Variants in ACOT6 observed in about 807,000 individuals in gnomAD.
The protein encoded by ACOT6 is acyl-coenzyme A thioesterase 6.
ACOT6 carries 14 observed loss-of-function variants against 12.3 expected under a neutral mutation model. The observed-to-expected ratio is 1.14, with a 90% confidence interval of 0.75 to 1.78. The LOEUF (loss-of-function observed/expected upper bound fraction) is 1.78, where lower values mean the gene tolerates loss of function less well. ACOT6 is among the 40% of genes most tolerant of loss of function. The pLI, the probability that ACOT6 is intolerant of heterozygous loss-of-function variation, is 0.00. For missense variants in ACOT6, 523 were observed against 551.8 expected (o/e 0.95, Z 0.52); for synonymous variants, 218 against 231.3 (o/e 0.94, Z 0.52).
Position 73,612,806 on chromosome 14 carries a change from G to A in ACOT6, c.235G>A (p.Gly79Arg). The part of the protein sequence containing the change: ...GGSFAGLQPM[G>R]LLWALEPEKA... The stretch of plus-strand genomic sequence containing the variant: ...CAGCTTCGCGGGGCTCCAGCCCATG[G>A]GGCTGCTGTGGGCGTTGGAGCCCGA... Residue 79 changes from glycine (G) to arginine (R), a missense_variant, in exon 1 of 3, where the codon GGG (glycine) becomes AGG (arginine). Coordinates refer to ENST00000645972, the MANE Select transcript of ACOT6 (RefSeq NM_001365788.1). 2 of 1,415,772 alleles carry A rather than the reference G, an allele frequency of 1.4e-6. No individual in the cohort carries two copies. Among genetic ancestry groups the A allele is most frequent in the Non-Finnish European group, 1.9e-6 (2 of 1,076,092 alleles). 87.7% of individuals were successfully genotyped at this position (1,415,772 alleles called of 1,614,324 possible). A position where few individuals can be genotyped will look rare whatever the true frequency, so the allele number is the denominator to read the frequency against.
chr14:73,618,129 A>G (rs2215013), intron 2 of ACOT6, among the ~76,000 whole-genome samples: 88,249 of 151,890 alleles, frequency 0.58, 27,097 homozygotes, highest in East Asian at 0.9. Flanking sequence ...GGCAACAAGA[A>G]TGAAACCCCA....
At position 73,619,214 on chromosome 14, in the gene ACOT6, C is replaced by T. The variant is rs374698220; in HGVS notation, c.661-20C>T. The T allele has an allele frequency of 6.5e-6, 10 of 1,530,738 alleles. No individual in the cohort carries two copies. Among genetic ancestry groups the T allele is most frequent in the South Asian group, 1.3e-5 (1 of 76,412 alleles). The allele number at this position is 1,530,738 out of a possible 1,614,324, so 94.8% of individuals were successfully genotyped here. On this transcript the variant is annotated intron_variant, in intron 2 of 2. Coordinates refer to ENST00000645972, the MANE Select transcript of ACOT6 (RefSeq NM_001365788.1). The stretch of plus-strand genomic sequence containing the variant: ...ATTTATGAATTCTAAGCTTGTTTTC[C>T]TTCTCTTTTTCCTCAACAGGTGAAA...
chr14:73,612,884 G>T lies in ACOT6; in HGVS notation c.313G>T (p.Glu105Ter). The T allele has an allele frequency of 7.2e-7, 1 of 1,393,772 alleles. No homozygotes were observed. The allele number at this position is 1,393,772 out of a possible 1,614,324, so 86.3% of individuals were successfully genotyped here. A position where few individuals can be genotyped will look rare whatever the true frequency, so the allele number is the denominator to read the frequency against. ...CGACGTGCGGACGCCCTTCGCCGTG[G>T]AGCTGGAAGTGCTGGACGGCCACGA... The part of the protein sequence containing the change: ...KRDVRTPFAV[E>*]LEVLDGHDTE... Residue 105 changes from glutamate to a stop codon, truncating the protein, a stop_gained, in exon 1 of 3, where the codon GAG (glutamate) becomes TAG (stop). Coordinates refer to ENST00000645972, the MANE Select transcript of ACOT6 (RefSeq NM_001365788.1). LOFTEE classifies it high-confidence loss of function.
At position 73,619,830 on chromosome 14, in the gene ACOT6, C is replaced by T. The variant is rs1411827950; in HGVS notation, c.1257C>T (p.Ser419=). 6.3e-7 allele frequency: 1 copy of T among 1,595,176 alleles called. No individual in the cohort carries two copies. The change falls in exon 3 of 3, where the codon AGC becomes AGT. Residue 419 remains serine (S), a synonymous_variant. Transcript: ENST00000645972. ...HLNGKKSVKH[S]KI ...ATGGTAAAAAATCTGTCAAGCACAGCAAAATATAACATTGTAGCCACAGAC... is the reference window on the plus strand; with the variant it reads ...ATGGTAAAAAATCTGTCAAGCACAGTAAAATATAACATTGTAGCCACAGAC...
In ACOT6 at chr14:73,618,672, G is replaced by A. The variant is rs928990268; in HGVS notation, c.661-562G>A. On this transcript the variant is annotated intron_variant, in intron 2 of 2. Coordinates refer to ENST00000645972, the MANE Select transcript of ACOT6 (RefSeq NM_001365788.1). ...GTTTGTTCATTTGATTTATAATTTT[G>A]AAATATTTAGGTATAGGGTGTCTGG... Among the ~76,000 whole-genome samples, 13 of 152,272 alleles carry A rather than the reference G, an allele frequency of 8.5e-5. No homozygotes were observed. In the East Asian group the frequency reaches 2.5e-3, roughly 29 times the overall value.
chr14:73,618,634 A>G (rs963293664), intron 2 of ACOT6, among the ~76,000 whole-genome samples: 1 of 152,140 alleles, frequency 6.6e-6, no homozygotes, highest in Admixed American at 6.5e-5. Flanking sequence ...AAAATAATAT[A>G]CTGTATTTAA....
intron 1 of ACOT6, among the ~76,000 whole-genome samples, chr14:73,615,387 A>AT (rs1326720211): frequency 1.6e-4 from 13 of 83,814 alleles, no homozygotes; most frequent in Admixed American, 1.1e-3. Context: ...ACTCTGTCTG[A>AT]TAAAAAAAAA....
chr14:73,612,429 G>A (rs1270491532), upstream of ACOT6: 1 of 501,300 alleles, frequency 2.0e-6, no homozygotes, highest in East Asian at 3.5e-5. Flanking sequence ...CCCACGCAGC[G>A]GCCTGGAGCC....
chr14:73,615,394 AAAAAAAAAAAAAAC>A (rs1890517878), intron 1 of ACOT6, among the ~76,000 whole-genome samples: 1 of 116,646 alleles, frequency 8.6e-6, no homozygotes, highest in African/African-American at 3.0e-5. Context: ...CTGATAAAAA[AAAAAAAAAAAAAAC>A]AAAAAACAAA....
chr14:73,615,399 A>C (rs1321491576), intron 1 of ACOT6, among the ~76,000 whole-genome samples: 2 of 143,818 alleles, frequency 1.4e-5, no homozygotes, highest in African/African-American at 5.2e-5. Flanking sequence ...AAAAAAAAAA[A>C]AAAAAAAACA....
Position 73,612,630 on chromosome 14 carries a change from G to T in ACOT6, c.59G>T (p.Arg20Leu). ...AGRCCWDEPL[R>L]IAVRGLAPEQ... Reference sequence around the variant, plus strand: ...CGCTGCTGCTGGGACGAGCCGCTGCGCATCGCAGTGCGCGGCCTGGCCCCG... The same window carrying T: ...CGCTGCTGCTGGGACGAGCCGCTGCTCATCGCAGTGCGCGGCCTGGCCCCG... Residue 20 changes from arginine to leucine, a missense_variant, in exon 1 of 3, where the codon CGC becomes CTC. Arg to Leu is a moderately radical substitution (Grantham distance 102). This residue lies in a region of ACOT6 where 304 missense variants were observed against 274.8 expected (regional missense o/e 1.11). Coordinates refer to ENST00000645972, the MANE Select transcript of ACOT6 (RefSeq NM_001365788.1). The T allele has an allele frequency of 7.1e-7, 1 of 1,405,536 alleles. No homozygotes were observed. The highest frequency in any genetic ancestry group is 9.3e-7 in the Non-Finnish European group (1 of 1,078,170). The allele number at this position is 1,405,536 out of a possible 1,614,324, so 87.1% of individuals were successfully genotyped here. A position where few individuals can be genotyped will look rare whatever the true frequency, so the allele number is the denominator to read the frequency against.
rs977832269 is a variant in ACOT6, at chr14:73,612,995, G to C, written c.424G>C (p.Gly142Arg). Residue 142 changes from glycine to arginine, a missense_variant, in exon 1 of 3, where the codon GGC becomes CGC. Gly to Arg is a moderately radical substitution (Grantham distance 125, BLOSUM62 -2). Transcript: ENST00000645972. ...GGTGCGGCGCGAGCCGGTGCGCGCGGGCCCGGTGCGCGCCGCGCTCTTCCT... is the reference window on the plus strand; with the variant it reads ...GGTGCGGCGCGAGCCGGTGCGCGCGCGCCCGGTGCGCGCCGCGCTCTTCCT... Reference protein sequence around the residue: ...PGVRREPVRAGPVRAALFLPP... With the variant: ...PGVRREPVRARPVRAALFLPP... 1 of 1,022,782 alleles carries C rather than the reference G, an allele frequency of 9.8e-7. No individual in the cohort carries two copies. The highest frequency in any genetic ancestry group is 1.7e-5 in the African/African-American group (1 of 58,532). 63.4% of individuals were successfully genotyped at this position (1,022,782 alleles called of 1,614,324 possible).
chr14:73,612,457 A>C, upstream of ACOT6: 1 of 682,990 alleles, frequency 1.5e-6, no homozygotes, highest in Non-Finnish European at 2.1e-6. Context: ...AAGTCCAACC[A>C]ATGGGAGTAG....
In ACOT6 at chr14:73,617,127, G is replaced by A. The variant is rs750222195; in HGVS notation, c.595G>A (p.Asp199Asn). 4.3e-6 allele frequency: 7 copies of A among 1,612,482 alleles called. No individual in the cohort carries two copies. The South Asian group carries it at 7.7e-5, about 18-fold the overall frequency. The change falls in exon 2 of 3, where the codon GAT (aspartate) becomes AAT (asparagine). Residue 199 changes from aspartate to asparagine, a missense_variant. This residue lies in a region of ACOT6 where 219 missense variants were observed against 277.0 expected (regional missense o/e 0.79). Coordinates refer to ENST00000645972, the MANE Select transcript of ACOT6 (RefSeq NM_001365788.1). ...TTTCAGATTTGAAGACCTCCCCGAA[G>A]ATCTGAATGATGTACATCTGGAGTA... is the stretch of plus-strand genomic sequence containing the variant. ...AYFRFEDLPE[D>N]LNDVHLEYFE...
At chr14:73,615,549 G>A (rs140177060) in intron 1 of ACOT6, among the ~76,000 whole-genome samples, 2,174 of 151,832 alleles carry the variant, frequency 0.014, 60 homozygotes, top group African/African-American at 0.049. Context: ...TCACCAACAT[G>A]GTGAAACCCC....
rs574813356 is a variant in ACOT6 at position 73,612,700 on chromosome 14, C to T, written c.129C>T (p.Gly43=). ...GCACGTCCCTGCGCGACGAAGAGGG[C>T]GCGCTCTTCCGGGCCCACGCGCGCT... The part of the protein sequence containing the change: ...TLRTSLRDEE[G]ALFRAHARYR... Residue 43 remains glycine (G), a synonymous_variant, in exon 1 of 3, where the codon GGC becomes GGT. Transcript: ENST00000645972. The T allele has an allele frequency of 1.4e-6, 2 of 1,399,062 alleles. No homozygotes were observed. Among genetic ancestry groups the T allele is most frequent in the South Asian group, 1.6e-5 (1 of 63,542 alleles). The allele number at this position is 1,399,062 out of a possible 1,614,324, so 86.7% of individuals were successfully genotyped here.
Position 73,619,725 on chromosome 14 carries a change from T to C in ACOT6, c.1152T>C (p.Tyr384=), listed in dbSNP as rs780906645. Residue 384 remains tyrosine (Y), a synonymous_variant, in exon 3 of 3, where the codon TAT becomes TAC. Coordinates refer to ENST00000645972, the MANE Select transcript of ACOT6 (RefSeq NM_001365788.1). ...CTGTTTTGGGTGAGGCAATATTCTA[T>C]GGAGGTGAGCCAAAGGCTCACTCAA... ...VHAVLGEAIF[Y]GGEPKAHSKA... 3.1e-6 allele frequency: 5 copies of C among 1,613,990 alleles called. No homozygotes were observed. Among genetic ancestry groups the C allele is most frequent in the African/African-American group, 1.3e-5 (1 of 74,930 alleles).
intron 1 of ACOT6, 106 bp from the exon 2 acceptor site, chr14:73,616,888 C>A (rs1046252961): frequency 3.5e-6 from 2 of 573,338 alleles, no homozygotes; most frequent in Non-Finnish European, 6.2e-6. Flanking sequence ...TTTGTTCTTT[C>A]TCTGCCAATC....
Position 73,612,839 on chromosome 14 carries a change from T to G in ACOT6, c.268T>G (p.Leu90Val), listed in dbSNP as rs1397718327. Residue 90 changes from leucine to valine, a missense_variant, in exon 1 of 3, where the codon TTG (leucine) becomes GTG (valine). This residue lies in a region of ACOT6 where 304 missense variants were observed against 274.8 expected (regional missense o/e 1.11). Coordinates refer to ENST00000645972, the MANE Select transcript of ACOT6 (RefSeq NM_001365788.1). ...LLWALEPEKA[L>V]VRLVKRDVRT... ...GTGGGCGTTGGAGCCCGAGAAAGCC[T>G]TGGTGCGGCTGGTGAAGCGCGACGT... 7.0e-7 allele frequency: 1 copy of G among 1,428,918 alleles called. No individual in the cohort carries two copies. The highest frequency in any genetic ancestry group is 1.5e-5 in the African/African-American group (1 of 67,336). The allele number at this position is 1,428,918 out of a possible 1,614,324, so 88.5% of individuals were successfully genotyped here.
Sources: gnomAD v4.1 joint callset for allele counts (sites outside exome capture counted in the v4.1 genomes callset) on GRCh38, gnomAD v4.1.1 for gene constraint, gnomAD v4.1.1 regional missense constraint, MANE v1.5 for transcripts, NCBI Gene and HGNC (gene_info 2026-07-23, HGNC 2026-07-21) for gene names.